BACH2: variants seen among roughly 807,000 people sequenced by gnomAD.
The protein encoded by BACH2 is transcription regulator protein BACH2.
BACH2 carries 5 observed loss-of-function variants against 61.8 expected under a neutral mutation model. The observed-to-expected ratio is 0.08, with a 90% CI of 0.04 to 0.17. BACH2 has a LOEUF of 0.17. Ranked by LOEUF, BACH2 falls within the 10% of genes least tolerant of loss-of-function variation. BACH2 has a pLI of 1.00. For missense variants in BACH2, 824 were observed against 1,091.1 expected (o/e 0.76, Z 3.45); for synonymous variants, 446 against 440.1 (o/e 1.01, Z -0.17).
intron 1 of BACH2, among the ~76,000 whole-genome samples, chr6:90,288,854 AAAAC>A (rs1317080119): frequency 6.6e-6 from 1 of 152,132 alleles, no homozygotes; most frequent in Non-Finnish European, 1.5e-5. Context: ...ACCCACCAAA[AAAAC>A]AAAAAACAAA....
chr6:89,978,949 G>A (rs1039261257), intron 6 of BACH2, among the ~76,000 whole-genome samples: 2 of 152,214 alleles, frequency 1.3e-5, no homozygotes, highest in Non-Finnish European at 2.9e-5. Flanking sequence ...TGAACTCCGA[G>A]GGGGTTGGTG....
chr6:90,023,641 G>A (rs1344275007), intron 5 of BACH2, among the ~76,000 whole-genome samples: 1 of 151,928 alleles, frequency 6.6e-6, no homozygotes, highest in Non-Finnish European at 1.5e-5. Flanking sequence ...TTCGTATGTG[G>A]AAATCCTAAT....
intron 4 of BACH2, among the ~76,000 whole-genome samples, chr6:90,119,767 A>T (rs575288740): frequency 3.4e-4 from 52 of 152,336 alleles, no homozygotes; most frequent in African/African-American, 1.1e-3. Flanking sequence ...TAGTAAAAAC[A>T]ATCTCTTTAA....
rs943710831 is a variant in BACH2 at position 90,031,111 on chromosome 6, T to C, written c.-12-22255A>G. Among the ~76,000 whole-genome samples, 6 of 152,202 alleles carry C rather than the reference T, an allele frequency of 3.9e-5. No individual in the cohort carries two copies. In the East Asian group the frequency reaches 1.2e-3, roughly 29 times the overall value. On this transcript the variant is annotated intron_variant, in intron 5 of 8. Transcript: ENST00000257749. ...AGAACCAATGACAAAAACCACATGA[T>C]TATCTCAATAGATGCAGAAAAGGCC...
chr6:90,233,322 T>C (rs924392922), intron 3 of BACH2, among the ~76,000 whole-genome samples: 1 of 152,196 alleles, frequency 6.6e-6, no homozygotes, highest in Non-Finnish European at 1.5e-5. Context: ...GAATATCACT[T>C]TGGCAGATGT....
intron 1 of BACH2, among the ~76,000 whole-genome samples, chr6:90,291,209 C>G (rs1403308285): frequency 6.6e-6 from 1 of 152,036 alleles, no homozygotes; most frequent in Non-Finnish European, 1.5e-5. Context: ...GGCATTTTGG[C>G]TGTAGTTCCA....
chr6:90,229,471 G>GA lies in BACH2; in HGVS notation c.-274-22791dup, dbSNP rs1203304998. ...CGAGACTTTGTCTCAAAAAAAAAAA[G>GA]AAAAAAAAAATGTCTGGGGTGGAAG... On this transcript the variant is annotated intron_variant, in intron 3 of 8. Coordinates refer to ENST00000257749, the MANE Select transcript of BACH2 (RefSeq NM_021813.4). Among the ~76,000 whole-genome samples, 7 of 142,416 alleles carry GA rather than the reference G, an allele frequency of 4.9e-5. No individual in the cohort carries two copies. The East Asian group carries it at 6.0e-4, about 12-fold the overall frequency. 93.4% of individuals were successfully genotyped at this position (142,416 alleles called of 152,430 possible). A position where few individuals can be genotyped will look rare whatever the true frequency, so the allele number is the denominator to read the frequency against.
intron 4 of BACH2, among the ~76,000 whole-genome samples, chr6:90,164,606 A>C (rs1218257205): frequency 6.6e-6 from 1 of 152,172 alleles, no homozygotes; most frequent in Non-Finnish European, 1.5e-5. Flanking sequence ...CAGAGTCACA[A>C]CCAAAAAAGA....
Position 89,995,401 on chromosome 6 carries a change from G to C in BACH2, c.243+13201C>G, listed in dbSNP as rs571289088. On this transcript the variant is annotated intron_variant, in intron 6 of 8. Coordinates refer to ENST00000257749, the MANE Select transcript of BACH2 (RefSeq NM_021813.4). ...TACGCCAGTGGGGATGTGTGACAAA[G>C]AGACATCATGGCTGTCAGCGAAGGG... Among the ~76,000 whole-genome samples, 5 of 152,244 alleles carry C rather than the reference G, an allele frequency of 3.3e-5. No homozygotes were observed. The South Asian group carries it at 8.3e-4, about 25-fold the overall frequency.
In BACH2 at chr6:90,008,859, G is replaced by C. The variant is rs1288002436; in HGVS notation, c.-12-3C>G. ...TCCACAGACATGCCGTTCACACCCTGAAAGAAAGAAAGAAACAAAGAAAGA... is the reference window on the plus strand; with the variant it reads ...TCCACAGACATGCCGTTCACACCCTCAAAGAAAGAAAGAAACAAAGAAAGA... On this transcript the variant is annotated splice_polypyrimidine_tract_variant and splice_region_variant and intron_variant, in intron 5 of 8. Coordinates refer to ENST00000257749, the MANE Select transcript of BACH2 (RefSeq NM_021813.4). The surrounding 1 kb of genome is among the most constrained non-coding windows in gnomAD (Gnocchi z 4.1). 2 of 1,608,470 alleles carry C rather than the reference G, an allele frequency of 1.2e-6. No individual in the cohort carries two copies. The highest frequency in any genetic ancestry group is 1.7e-6 in the Non-Finnish European group (2 of 1,176,430).
intron 3 of BACH2, among the ~76,000 whole-genome samples, chr6:90,225,971 T>C (rs1769899708): frequency 6.6e-6 from 1 of 152,116 alleles, no homozygotes; most frequent in Admixed American, 6.5e-5. Context: ...CCCTGAAACT[T>C]GTCACTAGCT....
intron 5 of BACH2, among the ~76,000 whole-genome samples, chr6:90,085,016 A>G (rs912662866): frequency 2.0e-5 from 3 of 152,156 alleles, no homozygotes; most frequent in African/African-American, 7.2e-5. Context: ...CCAAATTTCT[A>G]GAAATGTAGA....
At chr6:89,980,844 T>G (rs1739452873) in intron 6 of BACH2, among the ~76,000 whole-genome samples, 1 of 152,220 alleles carries the variant, frequency 6.6e-6, no homozygotes, top group African/African-American at 2.4e-5. Context: ...CATTTTAACC[T>G]TTTGTTCTCA....
At position 90,217,453 on chromosome 6, in the gene BACH2, T is replaced by A. The variant is rs1397732710; in HGVS notation, c.-274-10772A>T. Among the ~76,000 whole-genome samples, 4 of 152,232 alleles carry A rather than the reference T, an allele frequency of 2.6e-5. No homozygotes were observed. In the East Asian group the frequency reaches 7.7e-4, roughly 29 times the overall value. On this transcript the variant is annotated intron_variant, in intron 3 of 8. Transcript: ENST00000257749. Reference sequence around the variant, plus strand: ...AAAAGAAATAGCTGCACAATAGGGTTCTAAATAAATGCAGAATTGAAGAAA... The same window carrying A: ...AAAAGAAATAGCTGCACAATAGGGTACTAAATAAATGCAGAATTGAAGAAA...
intron 5 of BACH2, among the ~76,000 whole-genome samples, chr6:90,032,771 A>G (rs935559145): frequency 4.6e-5 from 7 of 152,218 alleles, no homozygotes; most frequent in African/African-American, 1.7e-4. Context: ...ACTGTAAACT[A>G]GTTCAATCAT....
At chr6:90,030,526 C>T (rs1422164738) in intron 5 of BACH2, among the ~76,000 whole-genome samples, 1 of 152,070 alleles carries the variant, frequency 6.6e-6, no homozygotes, top group Non-Finnish European at 1.5e-5. Flanking sequence ...GGGGATATCA[C>T]CACCGATGCC....
intron 4 of BACH2, among the ~76,000 whole-genome samples, chr6:90,188,215 A>C (rs1420556787): frequency 6.6e-6 from 1 of 152,232 alleles, no homozygotes; most frequent in East Asian, 1.9e-4. Flanking sequence ...TAAAATGTAA[A>C]GTTTAATTAT....
At chr6:90,246,520 T>C (rs1582528463) in intron 3 of BACH2, among the ~76,000 whole-genome samples, 2 of 152,276 alleles carry the variant, frequency 1.3e-5, no homozygotes, top group East Asian at 3.9e-4. Context: ...TAGTACAGTG[T>C]ATTAAGATAC....
At chr6:90,233,464 G>C (rs1226925015) in intron 3 of BACH2, among the ~76,000 whole-genome samples, 1 of 152,180 alleles carries the variant, frequency 6.6e-6, no homozygotes, top group Admixed American at 6.5e-5. Context: ...TATGTATAGT[G>C]CTGGCTTAGA....
Sources: gnomAD v4.1 joint callset for allele counts (sites outside exome capture counted in the v4.1 genomes callset) on GRCh38, gnomAD v4.1.1 for gene constraint, Gnocchi (gnomAD v3.1) non-coding constraint, MANE v1.5 for transcripts, NCBI Gene and HGNC (gene_info 2026-07-23, HGNC 2026-07-21) for gene names.